The following BMP6 variants were observed in gnomAD, a reference collection of about 807,000 sequenced individuals.
BMP6 encodes bone morphogenetic protein 6.
BMP6 carries 17 observed loss-of-function variants against 54.1 expected under a neutral mutation model. The observed-to-expected ratio is 0.31, with a 90% confidence interval of 0.22 to 0.47. The LOEUF is 0.47. BMP6 is among the 20% of genes least tolerant of loss of function. The probability of loss-of-function intolerance (pLI) is 1.00; values close to 1 mark genes in which losing one functional copy is unlikely to be tolerated. For missense variants in BMP6, 720 were observed against 690.4 expected (o/e 1.04, Z -0.48); for synonymous variants, 328 against 291.2 (o/e 1.13, Z -1.28).
At chr6:7,808,181 A>G (rs2113206999) in intron 1 of BMP6, among the ~76,000 whole-genome samples, 1 of 152,112 alleles carries the variant, frequency 6.6e-6, no homozygotes, top group Middle Eastern at 3.4e-3. Flanking sequence ...CGGCCTCCCA[A>G]AGTGCTGGGA....
Position 7,879,024 on chromosome 6 carries a change from GTTGATGGGTGCATCTT to G in BMP6, c.1205-28_1205-13del, listed in dbSNP as rs550970857. The stretch of plus-strand genomic sequence containing the variant: ...AAACTCTCTATGAAGGAATTAATGA[GTTGATGGGTGCATCTT>G]TTGATGGGTGCATCTTTTGATCTCC... On this transcript the variant is annotated intron_variant, in intron 4 of 6. Transcript: ENST00000283147. 783 of 1,552,922 alleles carry G rather than the reference GTTGATGGGTGCATCTT, an allele frequency of 5.0e-4. 2 individuals carry two copies. Among genetic ancestry groups the G allele is most frequent in the Admixed American group, 2.6e-3 (155 of 59,920 alleles).
intron 1 of BMP6, among the ~76,000 whole-genome samples, chr6:7,766,045 C>T (rs1757682717): frequency 6.6e-6 from 1 of 152,148 alleles, no homozygotes; most frequent in Non-Finnish European, 1.5e-5. Flanking sequence ...TTCACAGCTT[C>T]CAGGGATCAG....
intron 1 of BMP6, among the ~76,000 whole-genome samples, chr6:7,840,437 A>G (rs576192493): frequency 1.2e-3 from 189 of 152,168 alleles, no homozygotes; most frequent in Non-Finnish European, 1.6e-3. Context: ...CGTAAATTGC[A>G]TACATCCTTT....
intron 1 of BMP6, among the ~76,000 whole-genome samples, chr6:7,760,668 A>G (rs191952419): frequency 8.1e-4 from 124 of 152,232 alleles, no homozygotes; most frequent in Non-Finnish European, 1.5e-3. Context: ...GGGTTTCACC[A>G]TGTTAGCCAG....
chr6:7,793,715 A>G (rs565888226), intron 1 of BMP6, among the ~76,000 whole-genome samples: 21 of 152,306 alleles, frequency 1.4e-4, no homozygotes, highest in Non-Finnish European at 2.2e-4. Context: ...TTAAAAAACA[A>G]AGTCTTATTA....
intron 1 of BMP6, among the ~76,000 whole-genome samples, chr6:7,774,785 A>G (rs1260083929): frequency 1.3e-5 from 2 of 152,238 alleles, no homozygotes; most frequent in South Asian, 4.1e-4. Context: ...ATATTGCCTT[A>G]GTTCTTTTTT....
chr6:7,843,694 G>T (rs973717880), intron 1 of BMP6, among the ~76,000 whole-genome samples: 3 of 152,064 alleles, frequency 2.0e-5, no homozygotes, highest in Admixed American at 2.0e-4. Flanking sequence ...AGAGTCAAGG[G>T]TTTATGGTGG....
At chr6:7,745,293 A>G (rs1477514991) in intron 1 of BMP6, among the ~76,000 whole-genome samples, 9 of 152,230 alleles carry the variant, frequency 5.9e-5, no homozygotes, top group Non-Finnish European at 1.2e-4. Context: ...CACACCCTGA[A>G]CAAAGAGTCT....
intron 1 of BMP6, among the ~76,000 whole-genome samples, chr6:7,766,004 A>G (rs772981987): frequency 2.5e-4 from 38 of 152,114 alleles, no homozygotes; most frequent in Non-Finnish European, 5.0e-4. Flanking sequence ...CTCCATCTCA[A>G]AAATCTTACC....
intron 1 of BMP6, among the ~76,000 whole-genome samples, chr6:7,729,885 A>G (rs558785665): frequency 2.0e-5 from 3 of 152,228 alleles, no homozygotes; most frequent in South Asian, 2.1e-4. Flanking sequence ...TTTTTGTTCA[A>G]AAATAAAGAG....
At chr6:7,778,201 G>A (rs1457452260) in intron 1 of BMP6, among the ~76,000 whole-genome samples, 1 of 152,204 alleles carries the variant, frequency 6.6e-6, no homozygotes, top group Non-Finnish European at 1.5e-5. Context: ...TCCTCTCAAA[G>A]CAGTGGGTGT....
At chr6:7,874,103 C>T (rs1268668839) in intron 4 of BMP6, among the ~76,000 whole-genome samples, 1 of 152,136 alleles carries the variant, frequency 6.6e-6, no homozygotes, top group East Asian at 1.9e-4. Context: ...CTGCACCCAG[C>T]TGGCAGGAGA....
chr6:7,872,966 C>T (rs1759553460), intron 4 of BMP6, among the ~76,000 whole-genome samples: 1 of 152,062 alleles, frequency 6.6e-6, no homozygotes, highest in South Asian at 2.1e-4. Flanking sequence ...GCACACACCA[C>T]TATGTCCAGC....
chr6:7,827,325 C>T (rs750431270), intron 1 of BMP6, among the ~76,000 whole-genome samples: 3 of 152,202 alleles, frequency 2.0e-5, no homozygotes, highest in Non-Finnish European at 2.9e-5. Flanking sequence ...TAACTTTATA[C>T]TGAGATACTC....
At chr6:7,857,138 G>A (rs533308019) in intron 2 of BMP6, among the ~76,000 whole-genome samples, 1 of 152,340 alleles carries the variant, frequency 6.6e-6, no homozygotes, top group East Asian at 1.9e-4. Context: ...TGGAGGCTGT[G>A]TGATGGGAGG....
intron 1 of BMP6, among the ~76,000 whole-genome samples, chr6:7,826,225 C>T (rs1041877359): frequency 1.3e-5 from 2 of 152,210 alleles, no homozygotes; most frequent in African/African-American, 4.8e-5. Context: ...CAGGGATCAG[C>T]TCCCTGTTCT....
chr6:7,791,759 A>T (rs1758112211), intron 1 of BMP6, among the ~76,000 whole-genome samples: 2 of 152,116 alleles, frequency 1.3e-5, no homozygotes, highest in Admixed American at 1.3e-4. Context: ...CAGCTTCCTA[A>T]GCCAGCAAAA....
intron 1 of BMP6, among the ~76,000 whole-genome samples, chr6:7,806,616 CAA>C (rs2113204583): frequency 6.6e-6 from 1 of 151,842 alleles, no homozygotes; most frequent in South Asian, 2.1e-4. Flanking sequence ...CAAAAAAAAA[CAA>C]GTGATTTAAA....
At chr6:7,816,443 G>A (rs537418611) in intron 1 of BMP6, among the ~76,000 whole-genome samples, 30 of 152,270 alleles carry the variant, frequency 2.0e-4, no homozygotes, top group African/African-American at 6.7e-4. Flanking sequence ...AGGTCTGTGT[G>A]ACCACAAATG....
Sources: allele counts gnomAD v4.1 joint callset (sites outside exome capture counted in the v4.1 genomes callset), GRCh38; gene constraint gnomAD v4.1.1; transcripts MANE v1.5; gene names NCBI Gene and HGNC (gene_info 2026-07-23, HGNC 2026-07-21).